The following ATP7B variants were observed in gnomAD, a reference collection of about 807,000 sequenced individuals.
The protein encoded by ATP7B is ATPase copper transporting beta.
In ATP7B, 113 loss-of-function variants were observed where a neutral mutation model predicts 118.9. The observed-to-expected ratio is 0.95, with a 90% CI of 0.82 to 1.11. The LOEUF (loss-of-function observed/expected upper bound fraction) is 1.11, where lower values mean the gene tolerates loss of function less well. Among genes scored for constraint, ATP7B ranks in the 50% most tolerant of loss-of-function variants. ATP7B has a pLI of 0.00. For missense variants in ATP7B, 1,867 were observed against 1,871.4 expected (o/e 1.00, Z 0.04); for synonymous variants, 777 against 727.4 (o/e 1.07, Z -1.10).
chr13:51,996,359 A>T (rs1024398281), intron 1 of ATP7B, among the ~76,000 whole-genome samples: 12 of 152,288 alleles, frequency 7.9e-5, no homozygotes, highest in African/African-American at 2.6e-4. Context: ...TTCCAGCAGC[A>T]GCCTGCTCTG....
intron 1 of ATP7B, among the ~76,000 whole-genome samples, chr13:51,995,097 A>G (rs1953138742): frequency 1.3e-5 from 2 of 152,220 alleles, no homozygotes; most frequent in Admixed American, 1.3e-4. Context: ...ATAGAGTCTT[A>G]CAAAATATTC....
intron 1 of ATP7B, among the ~76,000 whole-genome samples, chr13:52,000,778 T>C (rs538493809): frequency 6.6e-6 from 1 of 152,322 alleles, no homozygotes; most frequent in East Asian, 1.9e-4. Context: ...CCCAGCACTT[T>C]GGAAGGCCAA....
Position 51,939,183 on chromosome 13 carries a change from A to G in ATP7B, c.3567T>C (p.Cys1189=), listed in dbSNP as rs773148537. The G allele has an allele frequency of 1.1e-5, 17 of 1,613,572 alleles. No homozygotes were observed. The East Asian group carries it at 3.8e-4, about 36-fold the overall frequency. ...CAGCGTCTGCGATTGCGATCATCCC[A>G]CAGAGCACACCTGGAGCGAACCAGC... ...AILVAIDGVL[C]GMIAIADAVK... The change falls in exon 17 of 21, where the codon TGT becomes TGC. Residue 1189 remains cysteine, a synonymous_variant. Coordinates refer to ENST00000242839, the MANE Select transcript of ATP7B (RefSeq NM_000053.4).
intron 1 of ATP7B, among the ~76,000 whole-genome samples, chr13:51,978,393 A>G (rs1952230843): frequency 6.6e-6 from 1 of 152,214 alleles, no homozygotes; most frequent in African/African-American, 2.4e-5. Context: ...TTCCAACCAC[A>G]CTGGCACAGT....
In ATP7B at chr13:52,011,426, C is replaced by T; in HGVS notation, c.-89G>A. On this transcript the variant is annotated 5_prime_UTR_variant, in exon 1 of 21. Transcript: ENST00000242839. ...GGAGGAGAGCGGGGTGTTAAAGTCC[C>T]GGGAGAGGAGGCGCAGAGTGTGAGG... 1.3e-6 allele frequency: 2 copies of T among 1,571,636 alleles called. No homozygotes were observed. The highest frequency in any genetic ancestry group is 1.7e-6 in the Non-Finnish European group (2 of 1,144,858).
In ATP7B at chr13:51,968,433, ACAGTACTTACTGT is replaced by A. The variant is rs2139883798; in HGVS notation, c.1705_1707+10del. ...AAGCCTGTAACCCCGTAACGCACCC[ACAGTACTTACTGT>A]CAGCTCAATGTTGCCATCGGAGCCT... On this transcript the variant is annotated splice_donor_variant and splice_donor_5th_base_variant and coding_sequence_variant and intron_variant, in exon 4 of 21. Coordinates refer to ENST00000242839, the MANE Select transcript of ATP7B (RefSeq NM_000053.4). LOFTEE classifies it high-confidence loss of function. 2 of 1,614,186 alleles carry A rather than the reference ACAGTACTTACTGT, an allele frequency of 1.2e-6. No individual in the cohort carries two copies. The highest frequency in any genetic ancestry group is 1.7e-6 in the Non-Finnish European group (2 of 1,180,030).
chr13:51,989,347 G>GCCTA (rs1395745338), intron 1 of ATP7B, among the ~76,000 whole-genome samples: 15 of 152,034 alleles, frequency 9.9e-5, no homozygotes, highest in African/African-American at 3.6e-4. Flanking sequence ...ACATAGGAGG[G>GCCTA]CCTACTATGT....
intron 7 of ATP7B, 110 bp from the exon 8 acceptor site, chr13:51,958,654 C>T (rs1958520300): frequency 5.7e-6 from 5 of 881,670 alleles, no homozygotes; most frequent in East Asian, 5.2e-5. Context: ...TGTGCACAGT[C>T]GTGACAGTAC....
At chr13:51,969,565 T>C (rs1951739924) in intron 3 of ATP7B, among the ~76,000 whole-genome samples, 2 of 152,126 alleles carry the variant, frequency 1.3e-5, no homozygotes, top group Non-Finnish European at 2.9e-5. Context: ...CCCACAATCT[T>C]GCTAACACTA....
chr13:52,007,149 A>T (rs1237945231), intron 1 of ATP7B, among the ~76,000 whole-genome samples: 1 of 152,138 alleles, frequency 6.6e-6, no homozygotes, highest in East Asian at 1.9e-4. Flanking sequence ...TGGTGCACCT[A>T]CATGTGGGAA....
chr13:51,979,406 G>A (rs1952299080), intron 1 of ATP7B, among the ~76,000 whole-genome samples: 1 of 152,158 alleles, frequency 6.6e-6, no homozygotes. Flanking sequence ...AAGGGGACCA[G>A]GTGGCTGGGA....
chr13:51,945,330 C>T (rs1054064578), intron 13 of ATP7B, among the ~76,000 whole-genome samples: 9 of 152,330 alleles, frequency 5.9e-5, no homozygotes, highest in South Asian at 2.1e-4. Flanking sequence ...TCTTCCAGTT[C>T]CTCATTTGCT....
chr13:52,002,379 T>C (rs971790417), intron 1 of ATP7B, among the ~76,000 whole-genome samples: 1 of 149,296 alleles, frequency 6.7e-6, no homozygotes, highest in African/African-American at 2.5e-5. Flanking sequence ...TTGGGCAACA[T>C]GGTGAAACCG....
Position 51,953,851 on chromosome 13 carries a change from T to TAAAAAAAAA in ATP7B, c.2448-3461_2448-3453dup, listed in dbSNP as rs561139788. Among the ~76,000 whole-genome samples, 30 of 94,372 alleles carry TAAAAAAAAA rather than the reference T, an allele frequency of 3.2e-4. 1 individual carries two copies. The highest frequency in any genetic ancestry group is 7.3e-4 in the African/African-American group (17 of 23,316). The allele number at this position is 94,372 out of a possible 152,430, so 61.9% of individuals were successfully genotyped here. On this transcript the variant is annotated intron_variant, in intron 9 of 20. Coordinates refer to ENST00000242839, the MANE Select transcript of ATP7B (RefSeq NM_000053.4). ...TTGTAATTTGTTTCCCCATCAATTG[T>TAAAAAAAAA]AAAAAAAAAAAAAAAAACCAGAAAA...
intron 20 of ATP7B, 46 bp downstream of exon 20, chr13:51,935,547 G>A (rs1190739060): frequency 9.0e-6 from 14 of 1,561,706 alleles, no homozygotes; most frequent in South Asian, 1.1e-5. Context: ...AGAATGACAA[G>A]GCCTCCTGGG....
At chr13:51,957,482 C>A (rs376105983) in intron 9 of ATP7B, 34 bp downstream of exon 9, 9 of 1,588,722 alleles carry the variant, frequency 5.7e-6, no homozygotes, top group Admixed American at 1.7e-5. Context: ...TTGATAGATA[C>A]CAACCACAAA....
intron 15 of ATP7B, 38 bp from the exon 16 acceptor site, chr13:51,941,262 A>G: frequency 6.2e-7 from 1 of 1,611,050 alleles, no homozygotes; most frequent in Admixed American, 1.7e-5. Context: ...TAAATGGTCC[A>G]ATTTCACTGT....
intron 3 of ATP7B, 61 bp from the exon 4 acceptor site, chr13:51,968,668 G>A: frequency 6.4e-7 from 1 of 1,572,958 alleles, no homozygotes; most frequent in Non-Finnish European, 8.7e-7. Flanking sequence ...GGTTGACACA[G>A]TCAATATAAC....
chr13:51,982,113 T>G (rs75170539), intron 1 of ATP7B, among the ~76,000 whole-genome samples: 1 of 152,052 alleles, frequency 6.6e-6, no homozygotes, highest in Non-Finnish European at 1.5e-5. Flanking sequence ...GTCAAAAGTT[T>G]GGACACCCCT....
Sources: allele counts gnomAD v4.1 joint callset (sites outside exome capture counted in the v4.1 genomes callset), GRCh38; gene constraint gnomAD v4.1.1; transcripts MANE v1.5; gene names NCBI Gene and HGNC (gene_info 2026-07-23, HGNC 2026-07-21).